KCND2: variants seen among roughly 807,000 people sequenced by gnomAD.
The protein encoded by KCND2 is potassium voltage-gated channel subfamily D member 2.
A neutral mutation model predicts 54.4 loss-of-function variants in KCND2; 16 were observed. The observed-to-expected ratio is 0.29, with a 90% CI of 0.20 to 0.45. KCND2 has a LOEUF of 0.45. Among genes scored for constraint, KCND2 ranks in the 20% least tolerant of loss-of-function variants. KCND2 has a pLI of 1.00. For synonymous variants in KCND2, 317 were observed against 310.7 expected (o/e 1.02, Z -0.21); for missense variants, 486 against 824.2 (o/e 0.59, Z 5.02).
chr7:120,550,443 AT>A (rs1792092115), intron 1 of KCND2, among the ~76,000 whole-genome samples: 2 of 152,172 alleles, frequency 1.3e-5, no homozygotes, highest in Non-Finnish European at 2.9e-5. Context: ...TTTGCTTTAA[AT>A]AAGGAGACCC....
rs754396339 is a variant in KCND2, at chr7:120,275,115, C to A, written c.483C>A (p.Ala161=). Residue 161 remains alanine (A), a synonymous_variant, in exon 1 of 6, where the codon GCC becomes GCA. Transcript: ENST00000331113. ...ATACCGACACCGCTGGGGAGAGCGCCTTGCCCACCATGACTGCAAGGCAGA... is the reference window on the plus strand; with the variant it reads ...ATACCGACACCGCTGGGGAGAGCGCATTGCCCACCATGACTGCAAGGCAGA... The part of the protein sequence containing the change: ...DADTDTAGES[A]LPTMTARQRV... 6.2e-7 allele frequency: 1 copy of A among 1,613,782 alleles called. No homozygotes were observed. The highest frequency in any genetic ancestry group is 2.2e-5 in the East Asian group (1 of 44,822).
At chr7:120,569,566 C>G (rs1448060969) in intron 1 of KCND2, among the ~76,000 whole-genome samples, 1 of 151,948 alleles carries the variant, frequency 6.6e-6, no homozygotes, top group Non-Finnish European at 1.5e-5. Flanking sequence ...CCTGAATCAC[C>G]AAAGAGAAAC....
At chr7:120,668,058 C>T (rs751309802) in intron 1 of KCND2, among the ~76,000 whole-genome samples, 9 of 151,758 alleles carry the variant, frequency 5.9e-5, no homozygotes, top group Non-Finnish European at 1.0e-4. Context: ...ATGTGCATCT[C>T]GTAACTCCAA....
chr7:120,611,765 T>C (rs551739514), intron 1 of KCND2, among the ~76,000 whole-genome samples: 2 of 152,332 alleles, frequency 1.3e-5, no homozygotes, highest in East Asian at 1.9e-4. Context: ...CTTTGACTGA[T>C]ATTTAAAATA....
At chr7:120,574,451 A>G (rs186816969) in intron 1 of KCND2, among the ~76,000 whole-genome samples, 3 of 152,346 alleles carry the variant, frequency 2.0e-5, no homozygotes, top group South Asian at 2.1e-4. Flanking sequence ...ATTGGTTACA[A>G]TATCTGCTAA....
rs1800786511 is a variant in KCND2, at chr7:120,373,164, T to C, written c.1115+97417T>C. ...ACTTATTTAATTTTTATAGGGATTA[T>C]TTATATCCTGGCATTTCCTCATCTT... On this transcript the variant is annotated intron_variant, in intron 1 of 5. Transcript: ENST00000331113. Among the ~76,000 whole-genome samples the C allele has an allele frequency of 2.0e-5, 3 of 152,014 alleles. No homozygotes were observed. The South Asian group carries it at 6.2e-4, about 31-fold the overall frequency.
At chr7:120,328,399 T>G (rs1232668087) in intron 1 of KCND2, among the ~76,000 whole-genome samples, 1 of 152,208 alleles carries the variant, frequency 6.6e-6, no homozygotes, top group Non-Finnish European at 1.5e-5. Flanking sequence ...TTTATTATCC[T>G]CATTTTATAG....
At chr7:120,583,547 G>A (rs573513054) in intron 1 of KCND2, among the ~76,000 whole-genome samples, 3 of 152,256 alleles carry the variant, frequency 2.0e-5, no homozygotes, top group East Asian at 3.9e-4. Flanking sequence ...CAGAGTTGGT[G>A]CCTGTGAGGT....
rs370770741 is a variant in KCND2 at position 120,391,437 on chromosome 7, G to C, written c.1115+115690G>C. On this transcript the variant is annotated intron_variant, in intron 1 of 5. Coordinates refer to ENST00000331113, the MANE Select transcript of KCND2 (RefSeq NM_012281.3). ...AATCTTCTGGGTATATACCCAGTAA[G>C]GGGAGTGCTGGGTCAAATGGTATTT... Among the ~76,000 whole-genome samples the C allele has an allele frequency of 1.1e-4, 16 of 152,098 alleles. No homozygotes were observed. In the East Asian group the frequency reaches 1.7e-3, roughly 17 times the overall value.
At chr7:120,582,452 T>G (rs1423035526) in intron 1 of KCND2, among the ~76,000 whole-genome samples, 1 of 152,160 alleles carries the variant, frequency 6.6e-6, no homozygotes, top group African/African-American at 2.4e-5. Flanking sequence ...ACAATGATCA[T>G]TTGTTGATTA....
intron 1 of KCND2, among the ~76,000 whole-genome samples, chr7:120,681,473 C>T (rs1007829857): frequency 6.6e-6 from 1 of 151,950 alleles, no homozygotes; most frequent in Non-Finnish European, 1.5e-5. Context: ...CCTTTGCCAA[C>T]ATCTGGTGAC....
At chr7:120,706,628 A>T (rs1792472372) in intron 1 of KCND2, among the ~76,000 whole-genome samples, 1 of 152,216 alleles carries the variant, frequency 6.6e-6, no homozygotes, top group African/African-American at 2.4e-5. Context: ...AAGGTGACAC[A>T]TTCAAAAGAT....
intron 1 of KCND2, among the ~76,000 whole-genome samples, chr7:120,679,579 A>G (rs1792114381): frequency 6.6e-6 from 1 of 152,114 alleles, no homozygotes; most frequent in Non-Finnish European, 1.5e-5. Flanking sequence ...TTAAATGCAT[A>G]GACAGCATAT....
intron 1 of KCND2, among the ~76,000 whole-genome samples, chr7:120,389,682 T>TTAACC (rs1801043961): frequency 6.6e-6 from 1 of 151,956 alleles, no homozygotes; most frequent in Non-Finnish European, 1.5e-5. Flanking sequence ...CTAATTTTTG[T>TTAACC]TGATATTACA....
chr7:120,715,352 C>A (rs1792590621), intron 1 of KCND2, among the ~76,000 whole-genome samples: 1 of 151,920 alleles, frequency 6.6e-6, no homozygotes, highest in Non-Finnish European at 1.5e-5. Flanking sequence ...CTTTAAATAT[C>A]CAATTTATGA....
At chr7:120,327,403 A>C (rs374411302) in intron 1 of KCND2, among the ~76,000 whole-genome samples, 10 of 152,102 alleles carry the variant, frequency 6.6e-5, no homozygotes, top group Admixed American at 5.9e-4. Context: ...TATCTTAAAC[A>C]TTACTTAATA....
intron 1 of KCND2, among the ~76,000 whole-genome samples, chr7:120,277,432 T>C (rs1035128016): frequency 3.9e-5 from 6 of 152,084 alleles, no homozygotes; most frequent in Non-Finnish European, 8.8e-5. Flanking sequence ...ATCACCATCA[T>C]GACGTCAAAT....
At chr7:120,734,905 A>G (rs1275201858) in intron 2 of KCND2, among the ~76,000 whole-genome samples, 1 of 152,106 alleles carries the variant, frequency 6.6e-6, no homozygotes, top group Non-Finnish European at 1.5e-5. Flanking sequence ...CATATGAACA[A>G]TGTCAGCCTC....
intron 4 of KCND2, among the ~76,000 whole-genome samples, chr7:120,744,088 C>T (rs1035335854): frequency 6.6e-6 from 1 of 152,008 alleles, no homozygotes; most frequent in Admixed American, 6.6e-5. Context: ...GGTGAAACCT[C>T]GTCTCTACTA....
Sources: allele counts gnomAD v4.1 joint callset (sites outside exome capture counted in the v4.1 genomes callset), GRCh38; gene constraint gnomAD v4.1.1; transcripts MANE v1.5; gene names NCBI Gene and HGNC (gene_info 2026-07-23, HGNC 2026-07-21).